Variants in RBM19 observed in about 807,000 individuals in gnomAD.
The protein encoded by RBM19 is RNA binding motif protein 19.
A neutral mutation model predicts 116.8 loss-of-function variants in RBM19; 94 were observed. That is an observed-to-expected ratio of 0.80 (90% CI 0.68 to 0.95). The LOEUF is 0.95. Among genes scored for constraint, RBM19 ranks in the 40% least tolerant of loss-of-function variants. The pLI, the probability that RBM19 is intolerant of heterozygous loss-of-function variation, is 0.00. For synonymous variants in RBM19, 475 were observed against 494.1 expected (o/e 0.96, Z 0.51); for missense variants, 1,161 against 1,220.7 (o/e 0.95, Z 0.73).
intron 2 of RBM19, among the ~76,000 whole-genome samples, chr12:113,961,361 G>A (rs192232652): frequency 1.3e-5 from 2 of 152,166 alleles, no homozygotes; most frequent in Admixed American, 1.3e-4. Flanking sequence ...TCCAAAATAG[G>A]CTTGTTATCT....
At chr12:113,886,508 A>C (rs928208292) in intron 21 of RBM19, among the ~76,000 whole-genome samples, 6 of 152,100 alleles carry the variant, frequency 3.9e-5, no homozygotes, top group Admixed American at 6.5e-5. Context: ...TTTTTTGAAT[A>C]AGTAATCACA....
At chr12:113,925,259 G>A (rs1868964412) in intron 17 of RBM19, among the ~76,000 whole-genome samples, 1 of 152,142 alleles carries the variant, frequency 6.6e-6, no homozygotes, top group African/African-American at 2.4e-5. Flanking sequence ...ACAGAGCCCA[G>A]GGAAAGGCAG....
At chr12:113,829,569 G>A (rs1047237733) in intron 23 of RBM19, among the ~76,000 whole-genome samples, 3 of 152,236 alleles carry the variant, frequency 2.0e-5, no homozygotes, top group African/African-American at 4.8e-5. Context: ...GGATATGGCA[G>A]TGAACAAAAC....
intron 22 of RBM19, among the ~76,000 whole-genome samples, chr12:113,845,980 C>T (rs1400978810): frequency 6.6e-6 from 1 of 152,176 alleles, no homozygotes; most frequent in African/African-American, 2.4e-5. Flanking sequence ...GTTCTAGGGA[C>T]AAAAATGAGT....
intron 16 of RBM19, among the ~76,000 whole-genome samples, chr12:113,930,723 G>A (rs749162114): frequency 1.8e-4 from 27 of 152,298 alleles, no homozygotes; most frequent in Admixed American, 5.2e-4. Flanking sequence ...GGAGACGTCC[G>A]TTCTTTCCCT....
In RBM19 at chr12:113,889,872, A is replaced by T. The variant is rs767334971; in HGVS notation, c.2558+25097T>A. ...AGGGAAAATACATGCATTCCATTGC[A>T]TTTCAATCAAGCTGAGGGGGAAAAA... On this transcript the variant is annotated intron_variant, in intron 21 of 23. Transcript: ENST00000261741. 8.0e-4 allele frequency among the ~76,000 whole-genome samples: 121 copies of T among 151,190 alleles called. 2 individuals are homozygous for T. The highest frequency in any genetic ancestry group is 7.7e-4 in the Non-Finnish European group (52 of 67,832).
chr12:113,869,146 G>A (rs1357864219), intron 21 of RBM19, among the ~76,000 whole-genome samples: 3 of 152,158 alleles, frequency 2.0e-5, no homozygotes, highest in Non-Finnish European at 1.5e-5. Context: ...GGGTCAAAGC[G>A]AGGAACTGGC....
rs539019807 is a variant in RBM19 at position 113,941,939 on chromosome 12, C to T, written c.1737+385G>A. Among the ~76,000 whole-genome samples the T allele has an allele frequency of 1.8e-4, 28 of 152,316 alleles. 1 individual carries two copies. The South Asian group carries it at 5.0e-3, about 27-fold the overall frequency. On this transcript the variant is annotated intron_variant, in intron 14 of 23. Coordinates refer to ENST00000261741, the MANE Select transcript of RBM19 (RefSeq NM_016196.4). ...CTGCAGTCATCCATAAATCTAAGAC[C>T]TGCTACTTGCTGGAGAACAGGCACA... is the stretch of plus-strand genomic sequence containing the variant.
chr12:113,835,590 C>T (rs1396583546), intron 23 of RBM19, among the ~76,000 whole-genome samples: 1 of 152,208 alleles, frequency 6.6e-6, no homozygotes. Context: ...AGGCTCCTTC[C>T]CTGCTCCTCG....
At chr12:113,960,834 CG>C (rs1383840314) in intron 2 of RBM19, among the ~76,000 whole-genome samples, 1 of 152,160 alleles carries the variant, frequency 6.6e-6, no homozygotes, top group Admixed American at 6.5e-5. Context: ...ACTGGAGGGA[CG>C]GAAGAGTACT....
At chr12:113,896,844 ACTAGGCTG>A (rs1881368403) in intron 21 of RBM19, among the ~76,000 whole-genome samples, 1 of 152,208 alleles carries the variant, frequency 6.6e-6, no homozygotes, top group Non-Finnish European at 1.5e-5. Context: ...TGCACCAAAC[ACTAGGCTG>A]CAGGATCTTT....
chr12:113,823,498 G>C (rs1170191242), intron 23 of RBM19, among the ~76,000 whole-genome samples, 177 bp from the exon 24 acceptor site: 2 of 152,078 alleles, frequency 1.3e-5, no homozygotes, highest in Non-Finnish European at 2.9e-5. Context: ...AGCGGAGGGA[G>C]AGAAGATACA....
At chr12:113,966,022 T>A (rs930122490) in intron 1 of RBM19, 170 bp downstream of exon 1, 3 of 708,898 alleles carry the variant, frequency 4.2e-6, no homozygotes. Context: ...TCCTCTTTCC[T>A]CGGGATCAAA....
Position 113,914,955 on chromosome 12 carries a change from C to T in RBM19, c.2558+14G>A, listed in dbSNP as rs371764719. On this transcript the variant is annotated intron_variant, in intron 21 of 23. Transcript: ENST00000261741. ...CCACACGCCAGTCCCCTGGACTAAA[C>T]CTGAAGTTCTCACCTGAAGAGCTCT... is the stretch of plus-strand genomic sequence containing the variant. 2.2e-5 allele frequency: 35 copies of T among 1,606,886 alleles called. No homozygotes were observed. Among genetic ancestry groups the T allele is most frequent in the South Asian group, 1.1e-5 (1 of 90,944 alleles).
At chr12:113,873,483 A>G (rs1224887580) in intron 21 of RBM19, among the ~76,000 whole-genome samples, 3 of 91,538 alleles carry the variant, frequency 3.3e-5, no homozygotes, top group Non-Finnish European at 4.4e-5. Flanking sequence ...TGAAGGCAGC[A>G]TGCTCGTTAA....
At chr12:113,889,042 T>C (rs1880747745) in intron 21 of RBM19, among the ~76,000 whole-genome samples, 1 of 152,104 alleles carries the variant, frequency 6.6e-6, no homozygotes, top group African/African-American at 2.4e-5. Context: ...AGGACAGCCC[T>C]CTCCCCGCAT....
At chr12:113,927,308 G>A in intron 16 of RBM19, 79 bp from the exon 17 acceptor site, 1 of 1,476,110 alleles carries the variant, frequency 6.8e-7, no homozygotes. Context: ...GAGCCCTGGG[G>A]CCAACTGCAA....
Position 113,945,695 on chromosome 12 carries a change from C to T in RBM19, c.1626+133G>A, listed in dbSNP as rs548405423. Reference sequence around the variant, plus strand: ...GGGAGAGCACCTTCCATTCCAGAGGCCTCTGGGAAGGCCCAAGAGGAAAGC... The same window carrying T: ...GGGAGAGCACCTTCCATTCCAGAGGTCTCTGGGAAGGCCCAAGAGGAAAGC... On this transcript the variant is annotated intron_variant, in intron 13 of 23. Coordinates refer to ENST00000261741, the MANE Select transcript of RBM19 (RefSeq NM_016196.4). 3.5e-5 allele frequency: 24 copies of T among 692,524 alleles called. No individual in the cohort carries two copies. The East Asian group carries it at 6.0e-4, about 17-fold the overall frequency. The allele number at this position is 692,524 out of a possible 1,614,324, so 42.9% of individuals were successfully genotyped here. A position where few individuals can be genotyped will look rare whatever the true frequency, so the allele number is the denominator to read the frequency against.
At chr12:113,845,995 A>G (rs562216924) in intron 22 of RBM19, among the ~76,000 whole-genome samples, 1 of 152,370 alleles carries the variant, frequency 6.6e-6, no homozygotes, top group Non-Finnish European at 1.5e-5. Context: ...ATGAGTTAAC[A>G]GCGTCTAGAA....
Sources: gnomAD v4.1 joint callset for allele counts (sites outside exome capture counted in the v4.1 genomes callset) on GRCh38, gnomAD v4.1.1 for gene constraint, MANE v1.5 for transcripts, NCBI Gene and HGNC (gene_info 2026-07-23, HGNC 2026-07-21) for gene names.